CDC27: variants seen among roughly 807,000 people sequenced by gnomAD.
CDC27 encodes cell division cycle 27, also known as cell division cycle protein 27 homolog.
In CDC27, 27 loss-of-function variants were observed where a neutral mutation model predicts 109.7. The ratio of observed to expected loss-of-function variants is 0.25; its 90% CI spans 0.18 to 0.34. The LOEUF is 0.34. CDC27 is among the 10% of genes least tolerant of loss of function. The probability of loss-of-function intolerance (pLI) is 1.00; values close to 1 mark genes in which losing one functional copy is unlikely to be tolerated. For synonymous variants in CDC27, 266 were observed against 333.9 expected (o/e 0.80, Z 2.22); for missense variants, 579 against 960.2 (o/e 0.60, Z 5.25).
At chr17:47,164,231 G>A (rs1033914337) in intron 4 of CDC27, among the ~76,000 whole-genome samples, 10 of 152,144 alleles carry the variant, frequency 6.6e-5, no homozygotes, top group African/African-American at 2.4e-4. Context: ...TGTGTAGTAG[G>A]CTACACCATC....
chr17:47,148,467 G>C (rs1314429004), intron 9 of CDC27, among the ~76,000 whole-genome samples: 1 of 152,050 alleles, frequency 6.6e-6, no homozygotes, highest in Non-Finnish European at 1.5e-5. Flanking sequence ...CAAGTACCTG[G>C]AGTCCCAGAG....
intron 7 of CDC27, among the ~76,000 whole-genome samples, chr17:47,156,406 G>A (rs988838955): frequency 1.3e-5 from 2 of 151,888 alleles, no homozygotes; most frequent in Non-Finnish European, 2.9e-5. Context: ...CCAAAGTGCT[G>A]GGATTACAGG....
intron 14 of CDC27, among the ~76,000 whole-genome samples, chr17:47,134,410 G>C (rs1462107239): frequency 6.7e-6 from 1 of 149,770 alleles, no homozygotes; most frequent in African/African-American, 2.5e-5. Flanking sequence ...TTAGGCTCAC[G>C]CAATCCTCCC....
At chr17:47,174,774 G>A (rs1326457063) in intron 2 of CDC27, among the ~76,000 whole-genome samples, 1 of 152,126 alleles carries the variant, frequency 6.6e-6, no homozygotes. Flanking sequence ...TGGCCAACAT[G>A]GTGAAACCCC....
At chr17:47,144,876 C>CAT (rs942312984) in intron 9 of CDC27, among the ~76,000 whole-genome samples, 2 of 150,858 alleles carry the variant, frequency 1.3e-5, no homozygotes, top group Non-Finnish European at 2.9e-5. Context: ...GTATATCACA[C>CAT]ACACACACAC....
At chr17:47,131,089 T>C (rs973965576) in intron 15 of CDC27, among the ~76,000 whole-genome samples, 10 of 152,012 alleles carry the variant, frequency 6.6e-5, no homozygotes, top group African/African-American at 1.9e-4. Context: ...AGAGAAAAGC[T>C]TACTCTCTTA....
chr17:47,155,843 C>T (rs1177835930), intron 7 of CDC27, among the ~76,000 whole-genome samples: 1 of 152,098 alleles, frequency 6.6e-6, no homozygotes, highest in Non-Finnish European at 1.5e-5. Context: ...GTCCCAGCTA[C>T]TCAGGAGTCT....
At chr17:47,156,035 A>G (rs1228397128) in intron 7 of CDC27, among the ~76,000 whole-genome samples, 1 of 152,218 alleles carries the variant, frequency 6.6e-6, no homozygotes, top group Non-Finnish European at 1.5e-5. Context: ...CCTGATTATA[A>G]CATTTCATGA....
In CDC27 at chr17:47,135,780, TA is replaced by T. The variant is rs552380474; in HGVS notation, c.1913+1371del. 1.1e-4 allele frequency among the ~76,000 whole-genome samples: 16 copies of T among 148,286 alleles called. 1 individual carries two copies. The highest frequency in any genetic ancestry group is 2.5e-4 in the African/African-American group (10 of 40,344). On this transcript the variant is annotated intron_variant, in intron 14 of 18. Transcript: ENST00000066544. ...AATAGCTGAACAGACAATACACATT[TA>T]AAAAAAAAACAACACAAGGATCAAC...
Position 47,117,782 on chromosome 17 carries a change from TAA to T in CDC27, c.*3151_*3152del, listed in dbSNP as rs555593124. ...TGACCGTTTAAAAATATAAATATAT[TAA>T]GAGTGTAAGTTTTAAAAAATTAGAT... is the stretch of plus-strand genomic sequence containing the variant. On this transcript the variant is annotated 3_prime_UTR_variant, in exon 19 of 19. Transcript: ENST00000066544. 29 of 152,144 alleles carry T rather than the reference TAA, an allele frequency of 1.9e-4. No individual in the cohort carries two copies. Among genetic ancestry groups the T allele is most frequent in the Non-Finnish European group, 3.4e-4 (23 of 68,028 alleles). The allele number at this position is 152,144 out of a possible 1,614,324, so 9.4% of individuals were successfully genotyped here.
In CDC27 at chr17:47,143,902, C is replaced by A; in HGVS notation, c.1151G>T (p.Ser384Ile). The A allele has an allele frequency of 6.8e-7, 1 of 1,475,388 alleles. No homozygotes were observed. The allele number at this position is 1,475,388 out of a possible 1,614,324, so 91.4% of individuals were successfully genotyped here. A position where few individuals can be genotyped will look rare whatever the true frequency, so the allele number is the denominator to read the frequency against. ...AATTACCTTGGTTGTGGAGCTGTCA[C>A]TAGTAAAGAGTCGTGAACTTCTTCG... ...LPRRSSRLFTSDSSTTKENSK... is the reference protein window; with the variant it reads ...LPRRSSRLFTIDSSTTKENSK... Residue 384 changes from serine (S) to isoleucine (I), a missense_variant, in exon 10 of 19, where the codon AGT (serine) becomes ATT (isoleucine). By Grantham distance (142) the Ser-to-Ile change is moderately radical. Transcript: ENST00000066544.
intron 9 of CDC27, 148 bp downstream of exon 9, chr17:47,151,658 T>G: frequency 1.9e-6 from 1 of 517,934 alleles, no homozygotes; most frequent in Non-Finnish European, 3.3e-6. Context: ...TACATTAGTG[T>G]TGTAAGTTAG....
At chr17:47,139,266 CTTTTT>C (rs758367976) in intron 12 of CDC27, among the ~76,000 whole-genome samples, 3 of 137,890 alleles carry the variant, frequency 2.2e-5, no homozygotes, top group African/African-American at 8.0e-5. Context: ...CAGAATAACT[CTTTTT>C]TTTTTTTTTT....
chr17:47,129,342 CGTT>C (rs759705637), intron 16 of CDC27, 48 bp downstream of exon 16: 4 of 1,292,594 alleles, frequency 3.1e-6, no homozygotes, highest in African/African-American at 3.0e-5. Flanking sequence ...CAAGGGATAA[CGTT>C]GTTTTTAAGC....
At position 47,175,966 on chromosome 17, in the gene CDC27, G is replaced by A. The variant is rs149379098; in HGVS notation, c.104-3902C>T. 4.9e-3 allele frequency among the ~76,000 whole-genome samples: 748 copies of A among 152,284 alleles called. 8 individuals are homozygous for A. The highest frequency in any genetic ancestry group is 0.017 in the African/African-American group (717 of 41,548). ...AACCTACTAGCTATGACTTAGGGCAGAGTTACTTAACTTCTCTGACCCTCA... is the reference window on the plus strand; with the variant it reads ...AACCTACTAGCTATGACTTAGGGCAAAGTTACTTAACTTCTCTGACCCTCA... On this transcript the variant is annotated intron_variant, in intron 2 of 18. Coordinates refer to ENST00000066544, the MANE Select transcript of CDC27 (RefSeq NM_001256.6).
intron 9 of CDC27, among the ~76,000 whole-genome samples, chr17:47,144,437 C>T (rs1420150928): frequency 7.9e-5 from 12 of 152,100 alleles, no homozygotes; most frequent in Non-Finnish European, 1.8e-4. Context: ...TTTGCAACTA[C>T]AACAAGTTAG....
chr17:47,138,964 C>A (rs1405746123), intron 12 of CDC27, 73 bp from the exon 13 acceptor site: 2 of 986,204 alleles, frequency 2.0e-6, no homozygotes, highest in African/African-American at 1.6e-5. Flanking sequence ...AAGCCCTGGT[C>A]ATTATCTTCA....
At chr17:47,139,023 T>A in intron 12 of CDC27, 132 bp from the exon 13 acceptor site, 2 of 572,908 alleles carry the variant, frequency 3.5e-6, no homozygotes, top group Non-Finnish European at 5.9e-6. Flanking sequence ...GAATGAGTAT[T>A]AACACAAGGA....
At chr17:47,155,691 C>T (rs1019404031) in intron 7 of CDC27, among the ~76,000 whole-genome samples, 1 of 152,106 alleles carries the variant, frequency 6.6e-6, no homozygotes, top group African/African-American at 2.4e-5. Context: ...CAGTGGCTCA[C>T]GGTAATCCTA....
Sources: allele counts gnomAD v4.1 joint callset (sites outside exome capture counted in the v4.1 genomes callset), GRCh38; gene constraint gnomAD v4.1.1; transcripts MANE v1.5; gene names NCBI Gene and HGNC (gene_info 2026-07-23, HGNC 2026-07-21).